Variants in NEK9 observed in about 807,000 individuals in gnomAD.
NEK9 encodes serine/threonine-protein kinase Nek9.
Under a neutral mutation model 123.4 loss-of-function variants are expected in NEK9, and 75 were observed. The ratio of observed to expected loss-of-function variants is 0.61; its 90% confidence interval spans 0.50 to 0.74. The LOEUF is 0.74. Among genes scored for constraint, NEK9 ranks in the 30% least tolerant of loss-of-function variants. The pLI is 0.00. For synonymous variants in NEK9, 438 were observed against 458.7 expected, an observed-to-expected ratio of 0.95 and a Z score of 0.58; for missense variants, 952 against 1,214.4, an observed-to-expected ratio of 0.78 and a Z score of 3.21.
At chr14:75,089,223 T>C (rs1894128644) in intron 19 of NEK9, among the ~76,000 whole-genome samples, 1 of 152,120 alleles carries the variant, frequency 6.6e-6, no homozygotes, top group South Asian at 2.1e-4. Flanking sequence ...TGTGCCACCA[T>C]GCCCGGCTAA....
chr14:75,087,008 A>G lies in NEK9; in HGVS notation c.2817+10T>C. On this transcript the variant is annotated intron_variant, in intron 21 of 21. Coordinates refer to ENST00000238616, the MANE Select transcript of NEK9 (RefSeq NM_033116.6). ...GCTTAGAAATTGGATTATTCTTTTA[A>G]TGCTCTCACCTGCTGCCCTCCTTCT... is the stretch of plus-strand genomic sequence containing the variant. The G allele has an allele frequency of 6.2e-7, 1 of 1,611,870 alleles. No individual in the cohort carries two copies. The highest frequency in any genetic ancestry group is 8.5e-7 in the Non-Finnish European group (1 of 1,177,892).
intron 17 of NEK9, chr14:75,096,829 C>CAA (rs35432461): frequency 0.011 from 2,901 of 271,176 alleles, 1 homozygote; most frequent in East Asian, 0.033. Flanking sequence ...AAAAAAAAGA[C>CAA]AAAAAAAAAC....
At chr14:75,092,624 TTATAA>T (rs1350808062) in intron 18 of NEK9, among the ~76,000 whole-genome samples, 2 of 152,220 alleles carry the variant, frequency 1.3e-5, no homozygotes, top group African/African-American at 4.8e-5. Flanking sequence ...GTATCCATTT[TTATAA>T]TATAATGGCT....
intron 18 of NEK9, among the ~76,000 whole-genome samples, chr14:75,093,748 C>A (rs924249395): frequency 3.9e-5 from 6 of 152,214 alleles, no homozygotes; most frequent in African/African-American, 1.4e-4. Context: ...AGCCACCACA[C>A]CCAGCCTATT....
intron 16 of NEK9, among the ~76,000 whole-genome samples, chr14:75,098,023 G>T (rs72736225): frequency 6.6e-6 from 1 of 152,170 alleles, no homozygotes; most frequent in African/African-American, 2.4e-5. Context: ...GGAAACCACT[G>T]GAGGTTTTGA....
chr14:75,097,527 T>C (rs1287063901), intron 16 of NEK9, among the ~76,000 whole-genome samples: 1 of 152,338 alleles, frequency 6.6e-6, no homozygotes, highest in Admixed American at 6.5e-5. Flanking sequence ...TTTTTATTGG[T>C]CATTCATTCA....
At chr14:75,085,792 A>C (rs553257580) in intron 21 of NEK9, among the ~76,000 whole-genome samples, 2 of 152,252 alleles carry the variant, frequency 1.3e-5, no homozygotes, top group East Asian at 3.9e-4. Context: ...TGGGGGGCTG[A>C]GGTCAGAGAA....
intron 1 of NEK9, among the ~76,000 whole-genome samples, chr14:75,125,918 T>C (rs1895507882): frequency 6.6e-6 from 1 of 152,216 alleles, no homozygotes; most frequent in African/African-American, 2.4e-5. Flanking sequence ...GGAAGTAGAA[T>C]AATCACTGCA....
chr14:75,091,235 T>A, intron 19 of NEK9, 35 bp downstream of exon 19: 1 of 1,565,530 alleles, frequency 6.4e-7, no homozygotes. Flanking sequence ...AAGGGCCACA[T>A]ATTTTATCCA....
chr14:75,103,116 A>G (rs1204179799), intron 14 of NEK9, among the ~76,000 whole-genome samples: 1 of 152,066 alleles, frequency 6.6e-6, no homozygotes, highest in Non-Finnish European at 1.5e-5. Flanking sequence ...TGGGTACAGC[A>G]CACCAACATG....
rs189000793 is a variant in NEK9 at position 75,123,959 on chromosome 14, A to G, written c.397+87T>C. On this transcript the variant is annotated intron_variant, in intron 2 of 21. Transcript: ENST00000238616. ...ATTCATTTAAAGTTTTTATCACTGT[A>G]TATGTCTCTTCTTATATTCTTCTCC... 2.2e-4 allele frequency: 256 copies of G among 1,147,888 alleles called. 1 individual carries two copies. The African/African-American group carries it at 3.2e-3, about 14-fold the overall frequency. 71.1% of individuals were successfully genotyped at this position (1,147,888 alleles called of 1,614,324 possible). A position where few individuals can be genotyped will look rare whatever the true frequency, so the allele number is the denominator to read the frequency against.
rs35799337 is a variant in NEK9, at chr14:75,122,789, C to CTTTT, written c.397+1253_397+1256dup. Among the ~76,000 whole-genome samples the CTTTT allele has an allele frequency of 1.9e-3, 152 of 80,114 alleles. 1 individual carries two copies. The highest frequency in any genetic ancestry group is 3.2e-3 in the African/African-American group (59 of 18,714). 52.6% of individuals were successfully genotyped at this position (80,114 alleles called of 152,430 possible). A position where few individuals can be genotyped will look rare whatever the true frequency, so the allele number is the denominator to read the frequency against. Reference sequence around the variant, plus strand: ...TACAGGCGTGAGCCACCACGCCCAGCTTTTTTTTTTTTTTTTTTTTTTTTG... The same window carrying CTTTT: ...TACAGGCGTGAGCCACCACGCCCAGCTTTTTTTTTTTTTTTTTTTTTTTTTTTTG... On this transcript the variant is annotated intron_variant, in intron 2 of 21. Transcript: ENST00000238616.
At chr14:75,088,084 G>GT (rs1359383385) in intron 20 of NEK9, among the ~76,000 whole-genome samples, 1 of 152,168 alleles carries the variant, frequency 6.6e-6, no homozygotes, top group South Asian at 2.1e-4. Flanking sequence ...TTTTACTGAG[G>GT]TATTTACCAC....
Position 75,082,106 on chromosome 14 carries a change from G to A in NEK9, c.*2458C>T, listed in dbSNP as rs1893882522. ...ACTAAGGTCCATGCACAGGCTTACT[G>A]AAGCACAGTACTGATTAAGAGCTTA... On this transcript the variant is annotated 3_prime_UTR_variant, in exon 22 of 22. Transcript: ENST00000238616. 6.6e-6 allele frequency: 1 copy of A among 152,186 alleles called. No individual in the cohort carries two copies. The highest frequency in any genetic ancestry group is 2.4e-5 in the African/African-American group (1 of 41,446). 9.4% of individuals were successfully genotyped at this position (152,186 alleles called of 1,614,324 possible).
chr14:75,106,118 G>A (rs1894763665), intron 12 of NEK9, 122 bp from the exon 13 acceptor site: 1 of 832,514 alleles, frequency 1.2e-6, no homozygotes, highest in African/African-American at 1.7e-5. Flanking sequence ...CACTTTGGGA[G>A]GCCGAGGCAG....
At position 75,087,057 on chromosome 14, in the gene NEK9, T is replaced by A. The variant is rs773758625; in HGVS notation, c.2778A>T (p.Gln926His). Residue 926 changes from glutamine (Q) to histidine (H), a missense_variant, in exon 21 of 22, where the codon CAA (glutamine) becomes CAT (histidine). By Grantham distance (24) the Gln-to-His change is conservative (BLOSUM62 0). Transcript: ENST00000238616. ...LQQENLQIFT[Q>H]LQKLNKKLEG... is the part of the protein sequence containing the mutation. Reference sequence around the variant, plus strand: ...CTAATTTCTTGTTCAACTTCTGCAGTTGGGTAAAAATCTGGAGGTTTTCTT... The same window carrying A: ...CTAATTTCTTGTTCAACTTCTGCAGATGGGTAAAAATCTGGAGGTTTTCTT... 6.2e-7 allele frequency: 1 copy of A among 1,614,120 alleles called. No individual in the cohort carries two copies. The highest frequency in any genetic ancestry group is 1.3e-5 in the African/African-American group (1 of 74,938).
rs143309738 is a variant in NEK9 at position 75,084,240 on chromosome 14, C to T, written c.*324G>A. On this transcript the variant is annotated 3_prime_UTR_variant, in exon 22 of 22. Transcript: ENST00000238616. ...TACATGGGATATAAGCTGCTACCAGCGCAATTAAGGTGAGCACTGTGTCTC... is the reference window on the plus strand; with the variant it reads ...TACATGGGATATAAGCTGCTACCAGTGCAATTAAGGTGAGCACTGTGTCTC... 210 of 245,186 alleles carry T rather than the reference C, an allele frequency of 8.6e-4. 1 individual carries two copies. In the East Asian group the frequency reaches 0.013, roughly 15 times the overall value. 15.2% of individuals were successfully genotyped at this position (245,186 alleles called of 1,614,324 possible).
At position 75,110,413 on chromosome 14, in the gene NEK9, T is replaced by A. The variant is rs747203563; in HGVS notation, c.939-42A>T. ...AAAGATACATGAGTGAAATAATAGG[T>A]TTTTATATTGCAAAGGTGTCTGTTT... On this transcript the variant is annotated intron_variant, in intron 8 of 21. Transcript: ENST00000238616. The A allele has an allele frequency of 2.7e-6, 4 of 1,479,362 alleles. No homozygotes were observed. The African/African-American group carries it at 4.2e-5, about 15-fold the overall frequency. The allele number at this position is 1,479,362 out of a possible 1,614,324, so 91.6% of individuals were successfully genotyped here. A position where few individuals can be genotyped will look rare whatever the true frequency, so the allele number is the denominator to read the frequency against.
chr14:75,122,707 T>C (rs1392062570), intron 2 of NEK9, among the ~76,000 whole-genome samples: 2 of 151,726 alleles, frequency 1.3e-5, no homozygotes, highest in Admixed American at 6.6e-5. Context: ...GGTTTAACCA[T>C]GTTGGCCAGG....
Sources: gnomAD v4.1 joint callset for allele counts (sites outside exome capture counted in the v4.1 genomes callset) on GRCh38, gnomAD v4.1.1 for gene constraint, MANE v1.5 for transcripts, NCBI Gene and HGNC (gene_info 2026-07-23, HGNC 2026-07-21) for gene names.